ADGRF4: variants seen among roughly 807,000 people sequenced by gnomAD.
ADGRF4 encodes the protein adhesion G protein-coupled receptor F4, also known as G-protein coupled receptor PGR18.
Under a neutral mutation model 58.5 loss-of-function variants are expected in ADGRF4, and 63 were observed. The ratio of observed to expected loss-of-function variants is 1.08; its 90% CI spans 0.88 to 1.33. The LOEUF (loss-of-function observed/expected upper bound fraction) is 1.33, where lower values mean the gene tolerates loss of function less well. Among genes scored for constraint, ADGRF4 ranks in the 40% most tolerant of loss-of-function variants. ADGRF4 has a pLI of 0.00. For synonymous variants in ADGRF4, 313 were observed against 295.4 expected (o/e 1.06, Z -0.61); for missense variants, 931 against 843.9 (o/e 1.10, Z -1.28).
At chr6:47,706,482 A>G (rs1771713002) in intron 1 of ADGRF4, among the ~76,000 whole-genome samples, 1 of 152,202 alleles carries the variant, frequency 6.6e-6, no homozygotes, top group Admixed American at 6.5e-5. Flanking sequence ...GACAGACAGT[A>G]CACTATAGGA....
At chr6:47,702,650 T>G (rs1364806086) in intron 1 of ADGRF4, among the ~76,000 whole-genome samples, 1 of 152,198 alleles carries the variant, frequency 6.6e-6, no homozygotes, top group Non-Finnish European at 1.5e-5. Context: ...TTCCCCTCAC[T>G]GAGTACTAGA....
Position 47,702,261 on chromosome 6 carries a change from G to A in ADGRF4, c.-17+3467G>A, listed in dbSNP as rs572428117. ...TTGTGTGTGTGTCTGTGTGTGTGTT[G>A]GGGGGAGTTGGGCAGTGGTGTTACC... is the stretch of plus-strand genomic sequence containing the variant. On this transcript the variant is annotated intron_variant, in intron 1 of 9. Transcript: ENST00000283303. Among the ~76,000 whole-genome samples the A allele has an allele frequency of 1.8e-4, 28 of 152,164 alleles. 1 individual carries two copies. In the South Asian group the frequency reaches 5.8e-3, roughly 32 times the overall value.
At chr6:47,720,547 G>A (rs923119202) in intron 9 of ADGRF4, among the ~76,000 whole-genome samples, 2 of 152,176 alleles carry the variant, frequency 1.3e-5, no homozygotes, top group African/African-American at 4.8e-5. Flanking sequence ...CAGGGAAGGA[G>A]GACTGCAGAG....
At chr6:47,703,288 C>T (rs1329532) in intron 1 of ADGRF4, among the ~76,000 whole-genome samples, 39,378 of 152,088 alleles carry the variant, frequency 0.26, 5,729 homozygotes, top group East Asian at 0.56. Context: ...AATTATGCTG[C>T]CAAAGCTTTT....
intron 1 of ADGRF4, among the ~76,000 whole-genome samples, chr6:47,704,567 G>C (rs1033748960): frequency 1.3e-5 from 2 of 151,890 alleles, no homozygotes; most frequent in African/African-American, 4.9e-5. Context: ...ACTTTAATGA[G>C]AGAAGTGAAC....
rs116340370 is a variant in ADGRF4, at chr6:47,713,505, A to G, written c.553-293A>G. 4.4e-3 allele frequency among the ~76,000 whole-genome samples: 663 copies of G among 152,328 alleles called. 3 individuals carry two copies. The highest frequency in any genetic ancestry group is 0.014 in the African/African-American group (576 of 41,582). On this transcript the variant is annotated intron_variant, in intron 5 of 9. Transcript: ENST00000283303. Reference sequence around the variant, plus strand: ...ATACCTCCACTCTCCTCCATTAAACAATCATTAAAATCTCATGGGAAACTT... The same window carrying G: ...ATACCTCCACTCTCCTCCATTAAACGATCATTAAAATCTCATGGGAAACTT...
chr6:47,716,342 C>T (rs927365490), intron 6 of ADGRF4, among the ~76,000 whole-genome samples: 1 of 150,336 alleles, frequency 6.7e-6, no homozygotes, highest in African/African-American at 2.4e-5. Flanking sequence ...TTTTTTTTTT[C>T]CACCAGCTTA....
At chr6:47,707,904 T>C (rs1310220614) in intron 2 of ADGRF4, among the ~76,000 whole-genome samples, 1 of 152,136 alleles carries the variant, frequency 6.6e-6, no homozygotes, top group African/African-American at 2.4e-5. Context: ...AGAGAACAGA[T>C]TAGTGGTTTA....
intron 3 of ADGRF4, among the ~76,000 whole-genome samples, chr6:47,710,099 C>A (rs1404369506): frequency 6.6e-6 from 1 of 152,094 alleles, no homozygotes; most frequent in African/African-American, 2.4e-5. Flanking sequence ...ACACATCAAA[C>A]AAGGTCATAT....
At chr6:47,717,772 C>T (rs1165969575) in intron 8 of ADGRF4, among the ~76,000 whole-genome samples, 2 of 152,214 alleles carry the variant, frequency 1.3e-5, no homozygotes, top group Non-Finnish European at 2.9e-5. Flanking sequence ...GTAGCAGAAT[C>T]ACAACAGGGA....
chr6:47,716,913 G>T, intron 7 of ADGRF4, 66 bp downstream of exon 7: 3 of 1,028,894 alleles, frequency 2.9e-6, no homozygotes, highest in Admixed American at 2.0e-5. Context: ...GGAGGATGAA[G>T]CAGTTTTGAT....
chr6:47,699,427 A>G lies in ADGRF4; in HGVS notation c.-17+633A>G, dbSNP rs116430209. Among the ~76,000 whole-genome samples the G allele has an allele frequency of 4.3e-3, 660 of 152,322 alleles. 3 individuals carry two copies. The highest frequency in any genetic ancestry group is 0.014 in the African/African-American group (575 of 41,560). On this transcript the variant is annotated intron_variant, in intron 1 of 9. Coordinates refer to ENST00000283303, the MANE Select transcript of ADGRF4 (RefSeq NM_153838.5). ...AGCACATCATGAGCTTTCTTCATGG[A>G]CCAGAGGCAATTGCTGGGCGTATAA... is the stretch of plus-strand genomic sequence containing the variant.
In ADGRF4 at chr6:47,717,308, G is replaced by A. The variant is rs201131962; in HGVS notation, c.1991G>A (p.Arg664Lys). 19 of 1,610,860 alleles carry A rather than the reference G, an allele frequency of 1.2e-5. No homozygotes were observed. Among genetic ancestry groups the A allele is most frequent in the Admixed American group, 1.7e-5 (1 of 60,002 alleles). The stretch of plus-strand genomic sequence containing the variant: ...CTTCTTTAGATAAGAGATGCTTTGA[G>A]GATGAGGATGTCTTCACTGAAGGGG... Reference protein sequence around the residue: ...IMDHKIRDALRMRMSSLKGKS... With the variant: ...IMDHKIRDALKMRMSSLKGKS... The change falls in exon 8 of 10, where the codon AGG (arginine) becomes AAG (lysine). Residue 664 changes from arginine to lysine, a missense_variant. Transcript: ENST00000283303.
chr6:47,709,429 C>A (rs901519092), intron 3 of ADGRF4, among the ~76,000 whole-genome samples: 1 of 152,178 alleles, frequency 6.6e-6, no homozygotes, highest in African/African-American at 2.4e-5. Context: ...GTAGTTGTGA[C>A]TAAGACTCAT....
At position 47,712,537 on chromosome 6, in the gene ADGRF4, G is replaced by T. The variant is rs1264445313; in HGVS notation, c.481G>T (p.Ala161Ser). The change falls in exon 5 of 10, where the codon GCA becomes TCA. Residue 161 changes from alanine (A) to serine (S), a missense_variant. Transcript: ENST00000283303. ...KSSETTSGNI[A>S]FIVELLKNIS... ...ATCAGAAACAACATCTGGAAATATT[G>T]CATTTATAGTGGAGTTATTAAAAAA... 15 of 1,609,058 alleles carry T rather than the reference G, an allele frequency of 9.3e-6. No individual in the cohort carries two copies. Among genetic ancestry groups the T allele is most frequent in the African/African-American group, 2.7e-5 (2 of 74,918 alleles).
intron 2 of ADGRF4, 44 bp downstream of exon 2, chr6:47,707,382 A>T: frequency 8.6e-7 from 1 of 1,162,998 alleles, no homozygotes; most frequent in Non-Finnish European, 1.3e-6. Flanking sequence ...GAAATCTCTC[A>T]GTTGCCCTCA....
intron 6 of ADGRF4, 105 bp from the exon 7 acceptor site, chr6:47,716,701 G>A (rs1456985323): frequency 9.6e-6 from 8 of 833,044 alleles, no homozygotes; most frequent in Admixed American, 4.5e-5. Flanking sequence ...ACTTTCTAAT[G>A]TCCAATAACT....
intron 9 of ADGRF4, among the ~76,000 whole-genome samples, chr6:47,719,348 T>C (rs1206781829): frequency 6.6e-6 from 1 of 151,678 alleles, no homozygotes; most frequent in Non-Finnish European, 1.5e-5. Flanking sequence ...ATACATGGAG[T>C]GGCATGTGTT....
At position 47,717,279 on chromosome 6, in the gene ADGRF4, A is replaced by G; in HGVS notation, c.1975-13A>G. On this transcript the variant is annotated splice_polypyrimidine_tract_variant and intron_variant, in intron 7 of 9. Coordinates refer to ENST00000283303, the MANE Select transcript of ADGRF4 (RefSeq NM_153838.5). ...CATCTGTGAGGTACTTCTCATTGTC[A>G]TTGCTTCTTTAGATAAGAGATGCTT... 1 of 1,595,906 alleles carries G rather than the reference A, an allele frequency of 6.3e-7. No individual in the cohort carries two copies. The highest frequency in any genetic ancestry group is 8.6e-7 in the Non-Finnish European group (1 of 1,163,334).
Sources: allele counts gnomAD v4.1 joint callset (sites outside exome capture counted in the v4.1 genomes callset), GRCh38; gene constraint gnomAD v4.1.1; transcripts MANE v1.5; gene names NCBI Gene and HGNC (gene_info 2026-07-23, HGNC 2026-07-21).